Variants in CCNF observed in about 807,000 individuals in gnomAD.
The protein encoded by CCNF is cyclin-F.
Under a neutral mutation model 85.4 loss-of-function variants are expected in CCNF, and 30 were observed. That is an observed-to-expected ratio of 0.35 (90% confidence interval 0.26 to 0.48). The LOEUF (loss-of-function observed/expected upper bound fraction) is 0.48. CCNF is among the 20% of genes least tolerant of loss of function. The probability of loss-of-function intolerance (pLI) is 0.99; values close to 1 mark genes in which losing one functional copy is unlikely to be tolerated. For synonymous variants in CCNF, 439 were observed against 425.1 expected, an observed-to-expected ratio of 1.03 and a Z score of -0.40; for missense variants, 919 against 1,010.4, an observed-to-expected ratio of 0.91 and a Z score of 1.23.
chr16:2,437,279 CCGTGGTTCACG>C lies in CCNF; in HGVS notation c.498_508del (p.Val167GlufsTer30), dbSNP rs1460874884. 1 of 1,607,652 alleles carries C rather than the reference CCGTGGTTCACG, an allele frequency of 6.2e-7. No individual in the cohort carries two copies. Among genetic ancestry groups the C allele is most frequent in the Admixed American group, 1.7e-5 (1 of 59,898 alleles). On this transcript the variant is annotated frameshift_variant, in exon 5 of 17. Coordinates refer to ENST00000397066, the MANE Select transcript of CCNF (RefSeq NM_001761.3). LOFTEE classifies it high-confidence loss of function. The stretch of plus-strand genomic sequence containing the variant: ...TCGGTGAGCGGAAGCTGCTGCAAGG[CCGTGGTTCACG>C]AGAGCCTCAGGGCAGAGTGCCAGCT...
chr16:2,431,836 C>T (rs1386946012), intron 2 of CCNF, among the ~76,000 whole-genome samples: 1 of 145,126 alleles, frequency 6.9e-6, no homozygotes, highest in Non-Finnish European at 1.5e-5. Context: ...AAGAAAGTAC[C>T]TTTTTTTTTT....
In CCNF at chr16:2,431,297, A is replaced by G. The variant is rs1239077244; in HGVS notation, c.171+13A>G. On this transcript the variant is annotated intron_variant, in intron 2 of 16. Transcript: ENST00000397066. Reference sequence around the variant, plus strand: ...GGCCGTCCGAGCTGTAAGTCCCTGCATGAAAACACTATGAGCCCTAGCATT... The same window carrying G: ...GGCCGTCCGAGCTGTAAGTCCCTGCGTGAAAACACTATGAGCCCTAGCATT... 5 of 1,613,434 alleles carry G rather than the reference A, an allele frequency of 3.1e-6. No individual in the cohort carries two copies. Among genetic ancestry groups the G allele is most frequent in the East Asian group, 2.2e-5 (1 of 44,870 alleles).
intron 12 of CCNF, 103 bp downstream of exon 12, chr16:2,449,565 C>A: frequency 8.3e-7 from 1 of 1,202,846 alleles, no homozygotes; most frequent in Non-Finnish European, 1.1e-6. Flanking sequence ...GTCCTGGTTA[C>A]TTCTTGGGGG....
chr16:2,437,561 T>C (rs1318066008), intron 5 of CCNF: 2 of 468,068 alleles, frequency 4.3e-6, no homozygotes, highest in Non-Finnish European at 7.6e-6. Flanking sequence ...GCTGGAAACA[T>C]GGGGCTGAGG....
At position 2,453,119 on chromosome 16, in the gene CCNF, T is replaced by C; in HGVS notation, c.1488-91T>C. ...GTCAGATTCCAGAGTGACTGCACCATTTTGCATTCTCATTGCTCACTTCAG... is the reference window on the plus strand; with the variant it reads ...GTCAGATTCCAGAGTGACTGCACCACTTTGCATTCTCATTGCTCACTTCAG... On this transcript the variant is annotated intron_variant, in intron 13 of 16. Transcript: ENST00000397066. This position sits in a 1 kb window ranked among gnomAD's most constrained non-coding sequence, Gnocchi z 5.6. 1 of 1,081,754 alleles carries C rather than the reference T, an allele frequency of 9.2e-7. No homozygotes were observed. The highest frequency in any genetic ancestry group is 2.4e-5 in the East Asian group (1 of 41,160). 67.0% of individuals were successfully genotyped at this position (1,081,754 alleles called of 1,614,324 possible).
At chr16:2,443,825 T>C (rs1302416123) in intron 9 of CCNF, 25 bp downstream of exon 9, 1 of 1,611,840 alleles carries the variant, frequency 6.2e-7, no homozygotes, top group East Asian at 2.2e-5. Flanking sequence ...CCGGGGCTTC[T>C]AATCAGAGCG....
At chr16:2,444,328 C>G (rs1313660908) in intron 9 of CCNF, among the ~76,000 whole-genome samples, 1 of 146,120 alleles carries the variant, frequency 6.8e-6, no homozygotes, top group Admixed American at 6.9e-5. Context: ...GAGACGGAGT[C>G]TTGCTCTGTC....
intron 5 of CCNF, 193 bp from the exon 6 acceptor site, chr16:2,437,877 T>G (rs544370542): frequency 7.6e-6 from 4 of 526,540 alleles, no homozygotes; most frequent in East Asian, 6.2e-5. Context: ...CCAGCCTGGG[T>G]GACAGAGCAA....
At position 2,449,785 on chromosome 16, in the gene CCNF, GTCCCCTCCA is replaced by G. The variant is rs374015103; in HGVS notation, c.1400-33_1400-25del. 45 of 654,638 alleles carry G rather than the reference GTCCCCTCCA, an allele frequency of 6.9e-5. 1 individual carries two copies. Among genetic ancestry groups the G allele is most frequent in the Non-Finnish European group, 1.2e-4 (43 of 358,964 alleles). The allele number at this position is 654,638 out of a possible 1,614,324, so 40.6% of individuals were successfully genotyped here. A position where few individuals can be genotyped will look rare whatever the true frequency, so the allele number is the denominator to read the frequency against. The stretch of plus-strand genomic sequence containing the variant: ...CCCCTCCGTCCCCTCCATCCCCTCC[GTCCCCTCCA>G]TCCCCTCCACCCCTGGCCTGCTTTC... On this transcript the variant is annotated intron_variant, in intron 12 of 16. Coordinates refer to ENST00000397066, the MANE Select transcript of CCNF (RefSeq NM_001761.3).
chr16:2,438,139 C>A lies in CCNF; in HGVS notation c.594+16C>A. ...TCTGTTCGAGGTGAGTCAAGTTGTT[C>A]TCTGCACTGGGACTTTGTGTTCGAT... On this transcript the variant is annotated intron_variant, in intron 6 of 16. Coordinates refer to ENST00000397066, the MANE Select transcript of CCNF (RefSeq NM_001761.3). 6.3e-7 allele frequency: 1 copy of A among 1,578,532 alleles called. No individual in the cohort carries two copies. The highest frequency in any genetic ancestry group is 8.7e-7 in the Non-Finnish European group (1 of 1,147,598).
At chr16:2,448,197 T>A (rs2065372633) in intron 10 of CCNF, among the ~76,000 whole-genome samples, 1 of 152,250 alleles carries the variant, frequency 6.6e-6, no homozygotes, top group Non-Finnish European at 1.5e-5. Context: ...CTCACCCACC[T>A]TCTGGGTCTA....
intron 12 of CCNF, 52 bp from the exon 13 acceptor site, chr16:2,449,776 A>ATCCCGTCCG: frequency 2.6e-6 from 1 of 383,530 alleles, no homozygotes; most frequent in South Asian, 2.7e-5. Context: ...CGTCCCCTCC[A>ATCCCGTCCG]TCCCCTCCGT....
In CCNF at chr16:2,437,992, C is replaced by G. The variant is rs2065300627; in HGVS notation, c.541-78C>G. 9.2e-6 allele frequency: 9 copies of G among 979,590 alleles called. No homozygotes were observed. The South Asian group carries it at 1.1e-4, about 12-fold the overall frequency. 60.7% of individuals were successfully genotyped at this position (979,590 alleles called of 1,614,324 possible). A position where few individuals can be genotyped will look rare whatever the true frequency, so the allele number is the denominator to read the frequency against. Reference sequence around the variant, plus strand: ...ACAGCAGGGCCATGGGCATGGGACCCAAAGACAGACAAGGGAGTGGTGGCC... The same window carrying G: ...ACAGCAGGGCCATGGGCATGGGACCGAAAGACAGACAAGGGAGTGGTGGCC... On this transcript the variant is annotated intron_variant, in intron 5 of 16. Transcript: ENST00000397066.
intron 2 of CCNF, among the ~76,000 whole-genome samples, chr16:2,431,492 A>C (rs1381197232): frequency 6.6e-6 from 1 of 152,000 alleles, no homozygotes; most frequent in Non-Finnish European, 1.5e-5. Context: ...CAGCCTGGCC[A>C]ACTTGGCAAA....
chr16:2,453,360 G>A lies in CCNF; in HGVS notation c.1588-50G>A, dbSNP rs116789260. The A allele has an allele frequency of 8.2e-4, 1,328 of 1,613,652 alleles. 10 individuals carry two copies. In the African/African-American group the frequency reaches 0.016, roughly 19 times the overall value. On this transcript the variant is annotated intron_variant, in intron 14 of 16. Transcript: ENST00000397066. This position sits in a 1 kb window ranked among gnomAD's most constrained non-coding sequence, Gnocchi z 5.6. Reference sequence around the variant, plus strand: ...TCTCATGGGGTGCTGGGGTGTGGGCGGGCCTCACCCTCGGGGCCTCTGCAC... The same window carrying A: ...TCTCATGGGGTGCTGGGGTGTGGGCAGGCCTCACCCTCGGGGCCTCTGCAC...
chr16:2,437,180 G>A lies in CCNF; in HGVS notation c.398G>A (p.Arg133His), dbSNP rs756519948. The change falls in exon 5 of 17, where the codon CGC (arginine) becomes CAC (histidine). Residue 133 changes from arginine to histidine, a missense_variant. By Grantham distance (29) the Arg-to-His change is conservative. This residue lies in a region of CCNF where 410 missense variants were observed against 478.6 expected (regional missense o/e 0.86). Coordinates refer to ENST00000397066, the MANE Select transcript of CCNF (RefSeq NM_001761.3). Reference sequence around the variant, plus strand: ...GAAGTGAATGGCCTGAAGGCCTCTCGCTTCTTCAGTCTCGCTGAGCGGCTG... The same window carrying A: ...GAAGTGAATGGCCTGAAGGCCTCTCACTTCTTCAGTCTCGCTGAGCGGCTG... ...RAEVNGLKAS[R>H]FFSLAERLNV... is the part of the protein sequence containing the mutation. The A allele has an allele frequency of 1.2e-5, 20 of 1,611,578 alleles. No homozygotes were observed. The highest frequency in any genetic ancestry group is 1.2e-4 in the Admixed American group (7 of 59,938).
chr16:2,449,776 A>ATCCCCTCCC (rs2065383560), intron 12 of CCNF, 52 bp from the exon 13 acceptor site: 3 of 383,608 alleles, frequency 7.8e-6, no homozygotes, highest in South Asian at 2.7e-5. Flanking sequence ...CGTCCCCTCC[A>ATCCCCTCCC]TCCCCTCCGT....
intron 11 of CCNF, 76 bp from the exon 12 acceptor site, chr16:2,449,206 G>C (rs1206200144): frequency 1.3e-6 from 2 of 1,553,418 alleles, no homozygotes; most frequent in East Asian, 4.5e-5. Context: ...GCCAGACCCT[G>C]CGCTGGGCCT....
intron 10 of CCNF, among the ~76,000 whole-genome samples, chr16:2,447,725 G>A (rs778936163): frequency 2.6e-5 from 4 of 151,952 alleles, no homozygotes; most frequent in Non-Finnish European, 5.9e-5. Flanking sequence ...CACTAATCCA[G>A]CCTGGGTGAC....
Sources: allele counts gnomAD v4.1 joint callset (sites outside exome capture counted in the v4.1 genomes callset), GRCh38; gene constraint gnomAD v4.1.1; regional missense constraint gnomAD v4.1.1; non-coding constraint Gnocchi (gnomAD v3.1); transcripts MANE v1.5; gene names NCBI Gene and HGNC (gene_info 2026-07-23, HGNC 2026-07-21).